Variants in TET2 observed in about 807,000 individuals in gnomAD.
TET2 encodes the protein methylcytosine dioxygenase TET2.
In TET2, 299 loss-of-function variants were observed where a neutral mutation model predicts 142.9. That is an observed-to-expected ratio of 2.09 (90% confidence interval 1.90 to 2.30). The LOEUF is 2.30. TET2 is among the 30% of genes most tolerant of loss of function. TET2 has a pLI of 0.00. For synonymous variants in TET2, 819 were observed against 849.0 expected (o/e 0.96, Z 0.61); for missense variants, 2,418 against 2,378.0 (o/e 1.02, Z -0.35).
chr4:105,198,641 A>G (rs1726242802), intron 2 of TET2, among the ~76,000 whole-genome samples: 1 of 152,226 alleles, frequency 6.6e-6, no homozygotes. Flanking sequence ...TGTTTACAAA[A>G]TTGCTATTAT....
At chr4:105,199,513 T>C (rs984817261) in intron 2 of TET2, among the ~76,000 whole-genome samples, 1 of 152,236 alleles carries the variant, frequency 6.6e-6, no homozygotes, top group South Asian at 2.1e-4. Context: ...TGGAAATCTT[T>C]TTCCATACCA....
chr4:105,161,624 A>T (rs1392523807), intron 1 of TET2, among the ~76,000 whole-genome samples: 1 of 152,230 alleles, frequency 6.6e-6, no homozygotes, highest in Non-Finnish European at 1.5e-5. Context: ...TTTCACAGTA[A>T]ATCATATATG....
chr4:105,168,145 C>G (rs1724261354), intron 1 of TET2, among the ~76,000 whole-genome samples: 2 of 152,092 alleles, frequency 1.3e-5, no homozygotes, highest in Non-Finnish European at 2.9e-5. Context: ...TGGGTTTTTA[C>G]CCAAACAAAA....
intron 2 of TET2, among the ~76,000 whole-genome samples, chr4:105,201,613 A>C (rs76706167): frequency 0.016 from 2,363 of 152,102 alleles, 61 homozygotes; most frequent in African/African-American, 0.053. Context: ...AGGACTGCTA[A>C]TTATAGATTG....
intron 6 of TET2, among the ~76,000 whole-genome samples, chr4:105,245,098 A>G (rs1308417299): frequency 6.6e-6 from 1 of 152,202 alleles, no homozygotes; most frequent in East Asian, 1.9e-4. Context: ...TACTAAATTT[A>G]TGTTAACACA....
intron 1 of TET2, among the ~76,000 whole-genome samples, chr4:105,160,344 G>A (rs1026574277): frequency 6.6e-6 from 1 of 151,994 alleles, no homozygotes; most frequent in Non-Finnish European, 1.5e-5. Context: ...AAAAAAAAAG[G>A]CATCAAAAAT....
At position 105,168,509 on chromosome 4, in the gene TET2, A is replaced by T. The variant is rs185286809; in HGVS notation, c.-193+21530A>T. 2.0e-5 allele frequency among the ~76,000 whole-genome samples: 3 copies of T among 152,158 alleles called. No individual in the cohort carries two copies. In the East Asian group the frequency reaches 5.8e-4, roughly 29 times the overall value. On this transcript the variant is annotated intron_variant, in intron 1 of 10. Coordinates refer to ENST00000380013, the MANE Select transcript of TET2 (RefSeq NM_001127208.3). ...CTCCTTGAGTGTTACTTTTTCAGAG[A>T]TAAATTCCCTAACCATTCTATCTAA...
At chr4:105,169,571 C>G (rs1048309020) in intron 1 of TET2, among the ~76,000 whole-genome samples, 1 of 152,104 alleles carries the variant, frequency 6.6e-6, no homozygotes, top group Admixed American at 6.5e-5. Flanking sequence ...TGTGCAGAGG[C>G]TCTTTTGTTT....
chr4:105,259,620 AGAACTT>A lies in TET2; in HGVS notation c.3807_3812del (p.Arg1269_Cys1271delinsSer), dbSNP rs1730318745. 1 of 1,550,472 alleles carries A rather than the reference AGAACTT, an allele frequency of 6.4e-7. No individual in the cohort carries two copies. The highest frequency in any genetic ancestry group is 1.4e-5 in the African/African-American group (1 of 72,954). On this transcript the variant is annotated inframe_deletion and splice_region_variant, in exon 7 of 11. Transcript: ENST00000380013. ...GAATTTGGTCTTTTGATTTTTCAGG[AGAACTT>A]GCGCCTGTCAGGGGCTGGATCCAGA...
intron 2 of TET2, among the ~76,000 whole-genome samples, chr4:105,218,221 C>T (rs1204476048): frequency 1.3e-5 from 2 of 152,010 alleles, no homozygotes; most frequent in Non-Finnish European, 2.9e-5. Flanking sequence ...TTTTAATCAT[C>T]CTGCCCCATA....
At chr4:105,190,560 TGTAATG>T in intron 2 of TET2, 55 bp downstream of exon 2, 1 of 688,440 alleles carries the variant, frequency 1.5e-6, no homozygotes, top group Non-Finnish European at 2.6e-6. Context: ...TTATTCCTAA[TGTAATG>T]GTAATCTCTC....
chr4:105,244,934 T>C (rs566131039), intron 6 of TET2, among the ~76,000 whole-genome samples: 1 of 152,356 alleles, frequency 6.6e-6, no homozygotes, highest in East Asian at 1.9e-4. Context: ...TTTAAAATAA[T>C]TTTAATTTTG....
At chr4:105,178,031 T>A (rs1724901553) in intron 1 of TET2, 1 of 152,046 alleles carries the variant, frequency 6.6e-6, no homozygotes. Flanking sequence ...GAGGTTGCAG[T>A]GAGCTGAGAT....
At chr4:105,214,281 TCA>T (rs1208513958) in intron 2 of TET2, among the ~76,000 whole-genome samples, 1 of 150,080 alleles carries the variant, frequency 6.7e-6, no homozygotes, top group Admixed American at 6.7e-5. Context: ...TGCCTTCCTT[TCA>T]CTTGTCCCCC....
At position 105,276,522 on chromosome 4, in the gene TET2, T is replaced by C; in HGVS notation, c.*3T>C. The C allele has an allele frequency of 7.8e-6, 12 of 1,545,344 alleles. No individual in the cohort carries two copies. Among genetic ancestry groups the C allele is most frequent in the Non-Finnish European group, 1.0e-5 (12 of 1,142,886 alleles). On this transcript the variant is annotated 3_prime_UTR_variant, in exon 11 of 11. Coordinates refer to ENST00000380013, the MANE Select transcript of TET2 (RefSeq NM_001127208.3). ...GGCCTTACAACAGATATATATGATA[T>C]CACCCCCTTTTGTTGGTTACCTCAC...
rs769442121 is a variant in TET2 at position 105,235,667 on chromosome 4, G to A, written c.1725G>A (p.Ala575=). ...IELKAPRFHQ[A]ESHLKRNEAS... is the part of the protein sequence containing the mutation. ...TGAAGGCCCCTCGTTTTCACCAAGCGGAATCCCATCTAAAACGTAATGAGG... is the reference window on the plus strand; with the variant it reads ...TGAAGGCCCCTCGTTTTCACCAAGCAGAATCCCATCTAAAACGTAATGAGG... The change falls in exon 3 of 11, where the codon GCG becomes GCA. Residue 575 remains alanine, a synonymous_variant. Coordinates refer to ENST00000380013, the MANE Select transcript of TET2 (RefSeq NM_001127208.3). 15 of 1,613,946 alleles carry A rather than the reference G, an allele frequency of 9.3e-6. No individual in the cohort carries two copies. Among genetic ancestry groups the A allele is most frequent in the South Asian group, 5.5e-5 (5 of 91,080 alleles).
chr4:105,172,478 T>C (rs1311352948), intron 1 of TET2: 1 of 152,172 alleles, frequency 6.6e-6, no homozygotes, highest in East Asian at 1.9e-4. Context: ...TCACCTTGAG[T>C]ATGCTGAAGA....
At chr4:105,238,003 G>A in intron 3 of TET2, 1 of 842,800 alleles carries the variant, frequency 1.2e-6, no homozygotes, top group East Asian at 6.5e-5. Context: ...GATATTGTGG[G>A]TTTGGCTCCA....
chr4:105,238,832 C>T, intron 3 of TET2: 1 of 239,398 alleles, frequency 4.2e-6, no homozygotes. Context: ...TTCCAGAAGG[C>T]TTTCAATGTA....
Sources: allele counts gnomAD v4.1 joint callset (sites outside exome capture counted in the v4.1 genomes callset), GRCh38; gene constraint gnomAD v4.1.1; transcripts MANE v1.5; gene names NCBI Gene and HGNC (gene_info 2026-07-23, HGNC 2026-07-21).